GAGE12J: variants seen among roughly 807,000 people sequenced by gnomAD.
The protein encoded by GAGE12J is G antigen 12J, also known as G antigen 11.
A neutral mutation model predicts 8.5 loss-of-function variants in GAGE12J; 5 were observed. That is an observed-to-expected ratio of 0.59 (90% CI 0.31 to 1.24). GAGE12J has a LOEUF of 1.24. GAGE12J is among the 50% of genes most tolerant of loss of function. The pLI is 0.06. For missense variants in GAGE12J, 26 were observed against 63.0 expected, an observed-to-expected ratio of 0.41 and a Z score of 1.99; for synonymous variants, 10 against 19.2, an observed-to-expected ratio of 0.52 and a Z score of 1.25.
chrX:49,322,417 A>G (rs1379562147), intron 1 of GAGE12J, among the ~76,000 whole-genome samples: 1 of 108,955 alleles, frequency 9.2e-6, no homozygotes, highest in Non-Finnish European at 2.0e-5. Context: ...GGAAGTCCCG[A>G]GGTGCCGGGA....
At chrX:49,324,678 C>T (rs2066437684) in intron 3 of GAGE12J, among the ~76,000 whole-genome samples, 1 of 61,421 alleles carries the variant, frequency 1.6e-5, no homozygotes, top group Admixed American at 2.1e-4. Flanking sequence ...CCCTTATTCT[C>T]AGTGCGGGAC....
At chrX:49,324,727 G>C (rs2066437963) in intron 3 of GAGE12J, among the ~76,000 whole-genome samples, 3 of 60,618 alleles carry the variant, frequency 4.9e-5, no homozygotes, top group Non-Finnish European at 1.2e-4. Flanking sequence ...GTTATATTTG[G>C]TGCTTTGTTC....
At position 49,322,487 on chromosome X, in the gene GAGE12J, G is replaced by A. The variant is rs1483933519; in HGVS notation, c.-9+343G>A. On this transcript the variant is annotated intron_variant, in intron 1 of 4. Transcript: ENST00000442437. The stretch of plus-strand genomic sequence containing the variant: ...GGCCTCCGGCGGGGGCGAGGCGGGC[G>A]GTGAAGAAGGGGCCTGGCACCTGGG... Among the ~76,000 whole-genome samples, 3 of 105,714 alleles carry A rather than the reference G, an allele frequency of 2.8e-5. No individual in the cohort carries two copies. In the Admixed American group the frequency reaches 3.0e-4, roughly 10 times the overall value. 91.8% of individuals were successfully genotyped at this position (105,714 alleles called of 115,157 possible).
chrX:49,322,384 G>C (rs1353769625), intron 1 of GAGE12J, among the ~76,000 whole-genome samples: 4 of 108,733 alleles, frequency 3.7e-5, no homozygotes, highest in African/African-American at 9.8e-5. Flanking sequence ...AGGTGAAGAT[G>C]GGGTGAGTGC....
rs782448704 is a variant in GAGE12J at position 49,323,252 on chromosome X, C to T, written c.59C>T (p.Pro20Leu). 8.7e-7 allele frequency: 1 copy of T among 1,144,868 alleles called. No individual in the cohort carries two copies. The highest frequency in any genetic ancestry group is 1.8e-5 in the African/African-American group (1 of 56,154). The allele number at this position is 1,144,868 out of a possible 1,213,427, so 94.3% of individuals were successfully genotyped here. Residue 20 changes from proline to leucine, a missense_variant, in exon 2 of 5, where the codon CCT becomes CTT. Pro to Leu is a moderately conservative substitution (Grantham distance 98, BLOSUM62 -3). This residue lies in a region of GAGE12J where 26 missense variants were observed against 21.9 expected (regional missense o/e 1.19). Transcript: ENST00000442437. ...CCTAGACCAAGACCCTATGTACAGC[C>T]TCCTGAAATGATTGGGCCTATGCGG... ...YWPRPRPYVQ[P>L]PEMIGPMRPE...
At chrX:49,322,386 G>C (rs1449943475) in intron 1 of GAGE12J, among the ~76,000 whole-genome samples, 2 of 108,768 alleles carry the variant, frequency 1.8e-5, no homozygotes, top group South Asian at 3.8e-4. Flanking sequence ...GTGAAGATGG[G>C]GTGAGTGCTG....
intron 2 of GAGE12J, 66 bp from the exon 3 acceptor site, chrX:49,323,677 A>ATATG: frequency 1.2e-6 from 1 of 830,560 alleles, no homozygotes; most frequent in Non-Finnish European, 1.7e-6. Flanking sequence ...TTCTGTGTAT[A>ATATG]TATGTAAAAT....
At chrX:49,323,582 T>C (rs2066431409) in intron 2 of GAGE12J, among the ~76,000 whole-genome samples, 161 bp from the exon 3 acceptor site, 1 of 107,017 alleles carries the variant, frequency 9.3e-6, no homozygotes, top group Non-Finnish European at 2.0e-5. Flanking sequence ...GTAACCTCCC[T>C]GTGGGTGGAG....
rs1402095426 is a variant in GAGE12J at position 49,328,200 on chromosome X, G to A, written c.332-1071G>A. On this transcript the variant is annotated intron_variant, in intron 4 of 4. Transcript: ENST00000442437. The stretch of plus-strand genomic sequence containing the variant: ...TATACATGTGCCATGCTGTTGCACT[G>A]CACCCACTATCTCATCATCTAGCAT... 4.1e-5 allele frequency among the ~76,000 whole-genome samples: 3 copies of A among 73,986 alleles called. 1 individual carries two copies. Among genetic ancestry groups the A allele is most frequent in the Non-Finnish European group, 1.0e-4 (3 of 29,377 alleles). 64.2% of individuals were successfully genotyped at this position (73,986 alleles called of 115,157 possible).
rs2066422866 is a variant in GAGE12J at position 49,322,413 on chromosome X, C to A, written c.-9+269C>A. 2.8e-5 allele frequency among the ~76,000 whole-genome samples: 3 copies of A among 109,004 alleles called. No homozygotes were observed. In the South Asian group the frequency reaches 1.1e-3, roughly 41 times the overall value. 94.7% of individuals were successfully genotyped at this position (109,004 alleles called of 115,157 possible). ...TGAGTGCTGTTGGGGGGATGGAAGT[C>A]CCGAGGTGCCGGGAACCCCCGACGA... is the stretch of plus-strand genomic sequence containing the variant. On this transcript the variant is annotated intron_variant, in intron 1 of 4. Coordinates refer to ENST00000442437, the MANE Select transcript of GAGE12J (RefSeq NM_001098406.4).
In GAGE12J at chrX:49,328,102, T is replaced by C. The variant is rs2066451060; in HGVS notation, c.332-1169T>C. ...TTGCTTCTTTTTTTTCTTTTATTTA[T>C]TTATTTATTTATTTATTGTTATACT... On this transcript the variant is annotated intron_variant, in intron 4 of 4. Coordinates refer to ENST00000442437, the MANE Select transcript of GAGE12J (RefSeq NM_001098406.4). Among the ~76,000 whole-genome samples the C allele has an allele frequency of 2.7e-5, 2 of 74,335 alleles. 1 individual carries two copies. The highest frequency in any genetic ancestry group is 3.0e-4 in the Admixed American group (2 of 6,748). The allele number at this position is 74,335 out of a possible 115,157, so 64.6% of individuals were successfully genotyped here.
intron 1 of GAGE12J, among the ~76,000 whole-genome samples, chrX:49,322,436 C>G (rs2178975): frequency 1.8e-5 from 2 of 108,712 alleles, no homozygotes; most frequent in Non-Finnish European, 3.9e-5. Flanking sequence ...GAACCCCCGA[C>G]GACACAGGGC....
chrX:49,328,996 TG>T (rs2066456572), intron 4 of GAGE12J, among the ~76,000 whole-genome samples: 2 of 73,294 alleles, frequency 2.7e-5, no homozygotes, highest in Non-Finnish European at 5.3e-5. Context: ...GCTTTACACA[TG>T]TGTTTTCCAA....
In GAGE12J at chrX:49,323,244, T is replaced by C. The variant is rs782081105; in HGVS notation, c.51T>C (p.Tyr17=). 10 of 1,145,964 alleles carry C rather than the reference T, an allele frequency of 8.7e-6. No homozygotes were observed. Among genetic ancestry groups the C allele is most frequent in the Non-Finnish European group, 1.1e-5 (9 of 843,448 alleles). The allele number at this position is 1,145,964 out of a possible 1,213,427, so 94.4% of individuals were successfully genotyped here. Residue 17 remains tyrosine (Y), a synonymous_variant, in exon 2 of 5, where the codon TAT becomes TAC. Coordinates refer to ENST00000442437, the MANE Select transcript of GAGE12J (RefSeq NM_001098406.4). The part of the protein sequence containing the change: ...STYYWPRPRP[Y]VQPPEMIGPM... ...ATTATTGGCCTAGACCAAGACCCTA[T>C]GTACAGCCTCCTGAAATGATTGGGC...
At chrX:49,322,544 C>G (rs1161627414) in intron 1 of GAGE12J, among the ~76,000 whole-genome samples, 1 of 97,710 alleles carries the variant, frequency 1.0e-5, no homozygotes, top group Non-Finnish European at 2.2e-5. Flanking sequence ...CCCCCCCCAG[C>G]GGTGTGGAGT....
chrX:49,327,025 C>A (rs2066446955), intron 4 of GAGE12J, among the ~76,000 whole-genome samples: 1 of 107,850 alleles, frequency 9.3e-6, no homozygotes, highest in Non-Finnish European at 2.0e-5. Context: ...CAGGCGGGCT[C>A]CGCCGCGCCC....
intron 3 of GAGE12J, among the ~76,000 whole-genome samples, chrX:49,324,730 C>G (rs2066437981): frequency 1.6e-5 from 1 of 60,627 alleles, no homozygotes; most frequent in Non-Finnish European, 4.0e-5. Flanking sequence ...ATATTTGGTG[C>G]TTTGTTCTTC....
At chrX:49,323,979 G>C in intron 3 of GAGE12J, 116 bp downstream of exon 3, 7 of 1,152,050 alleles carry the variant, frequency 6.1e-6, no homozygotes, top group Non-Finnish European at 8.1e-6. Context: ...TCACATAGGA[G>C]GAAGAGGAGG....
intron 3 of GAGE12J, among the ~76,000 whole-genome samples, chrX:49,325,698 G>A (rs1204489161): frequency 1.3e-5 from 1 of 78,051 alleles, no homozygotes; most frequent in Non-Finnish European, 3.2e-5. Context: ...TGTGTATATC[G>A]TCAGAACAAA....
Sources: allele counts gnomAD v4.1 joint callset (sites outside exome capture counted in the v4.1 genomes callset), GRCh38; gene constraint gnomAD v4.1.1; regional missense constraint gnomAD v4.1.1; transcripts MANE v1.5; gene names NCBI Gene and HGNC (gene_info 2026-07-23, HGNC 2026-07-21).